The following CTNNA3 variants were observed in gnomAD, a reference collection of about 807,000 sequenced individuals.
CTNNA3 encodes catenin alpha 3.
Under a neutral mutation model 95.7 loss-of-function variants are expected in CTNNA3, and 76 were observed. The observed-to-expected ratio is 0.79, with a 90% CI of 0.66 to 0.96. CTNNA3 has a LOEUF of 0.96. Among genes scored for constraint, CTNNA3 ranks in the 40% least tolerant of loss-of-function variants. CTNNA3 has a pLI of 0.00. For missense variants in CTNNA3, 1,191 were observed against 1,089.8 expected (o/e 1.09, Z -1.31); for synonymous variants, 431 against 374.4 (o/e 1.15, Z -1.74).
intron 2 of CTNNA3, among the ~76,000 whole-genome samples, chr10:67,633,728 G>A (rs546568535): frequency 3.3e-5 from 5 of 152,220 alleles, no homozygotes. Flanking sequence ...CCCATTAAAA[G>A]TGAGCTTGAA....
intron 5 of CTNNA3, among the ~76,000 whole-genome samples, chr10:67,227,587 C>G (rs1479467443): frequency 6.6e-6 from 1 of 152,090 alleles, no homozygotes; most frequent in Non-Finnish European, 1.5e-5. Context: ...GATAGCAACA[C>G]AATAATAGTG....
intron 3 of CTNNA3, among the ~76,000 whole-genome samples, chr10:67,584,954 G>T (rs1842574089): frequency 6.6e-6 from 1 of 152,196 alleles, no homozygotes; most frequent in South Asian, 2.1e-4. Flanking sequence ...GATTTTCCAG[G>T]TACCGTCTGT....
chr10:66,657,533 CTT>C (rs1276075479), intron 9 of CTNNA3, among the ~76,000 whole-genome samples: 1 of 152,116 alleles, frequency 6.6e-6, no homozygotes, highest in African/African-American at 2.4e-5. Flanking sequence ...ATTCCTGACT[CTT>C]TATTTCAGGC....
chr10:67,413,066 C>T (rs1273928425), intron 5 of CTNNA3, among the ~76,000 whole-genome samples: 2 of 152,074 alleles, frequency 1.3e-5, no homozygotes, highest in African/African-American at 2.4e-5. Flanking sequence ...GATAAAAAGA[C>T]AAGACCCAAC....
At chr10:66,056,549 T>C (rs951088800) in intron 15 of CTNNA3, among the ~76,000 whole-genome samples, 1 of 152,206 alleles carries the variant, frequency 6.6e-6, no homozygotes, top group Non-Finnish European at 1.5e-5. Flanking sequence ...CCTCATAGAA[T>C]GAGTTAGGAA....
intron 7 of CTNNA3, among the ~76,000 whole-genome samples, chr10:67,014,010 A>C (rs1357672268): frequency 6.6e-6 from 1 of 152,170 alleles, no homozygotes; most frequent in Non-Finnish European, 1.5e-5. Context: ...ATTTGTCTCT[A>C]AAAACAAGTG....
chr10:67,205,643 G>C (rs764978862), intron 6 of CTNNA3, among the ~76,000 whole-genome samples: 1 of 152,056 alleles, frequency 6.6e-6, no homozygotes, highest in Non-Finnish European at 1.5e-5. Flanking sequence ...TATAGAACAG[G>C]TACTGTGCTA....
intron 10 of CTNNA3, among the ~76,000 whole-genome samples, chr10:66,528,455 G>A (rs1217595157): frequency 1.3e-5 from 2 of 152,080 alleles, no homozygotes; most frequent in Non-Finnish European, 2.9e-5. Context: ...TTTTCTTTGT[G>A]TCCCTCTAGG....
At chr10:67,704,014 C>T (rs1314616795) in intron 1 of CTNNA3, among the ~76,000 whole-genome samples, 2 of 152,108 alleles carry the variant, frequency 1.3e-5, no homozygotes, top group Non-Finnish European at 2.9e-5. Flanking sequence ...CATGAGTGAA[C>T]TCCCATTCAC....
chr10:66,420,839 A>AAATAAATAAAT lies in CTNNA3; in HGVS notation c.1532-41488_1532-41487insATTTATTTATT, dbSNP rs147665115. ...TAAATAAATAAATAAATAAATAAAT[A>AAATAAATAAAT]AAAAACAATATGGAGATTTCTCAAA... On this transcript the variant is annotated intron_variant, in intron 11 of 17. Transcript: ENST00000433211. Among the ~76,000 whole-genome samples the AAATAAATAAAT allele has an allele frequency of 9.8e-3, 757 of 76,908 alleles. 12 individuals are homozygous for AAATAAATAAAT. Among genetic ancestry groups the AAATAAATAAAT allele is most frequent in the South Asian group, 0.071 (135 of 1,898 alleles). 50.5% of individuals were successfully genotyped at this position (76,908 alleles called of 152,430 possible). A position where few individuals can be genotyped will look rare whatever the true frequency, so the allele number is the denominator to read the frequency against.
intron 2 of CTNNA3, among the ~76,000 whole-genome samples, chr10:67,624,490 G>C (rs72472093): frequency 2.0e-5 from 3 of 152,076 alleles, no homozygotes; most frequent in African/African-American, 7.2e-5. Context: ...TTCTGTACCC[G>C]TTGGGTTATG....
At chr10:66,676,386 C>A (rs532174575) in intron 9 of CTNNA3, among the ~76,000 whole-genome samples, 1 of 152,020 alleles carries the variant, frequency 6.6e-6, no homozygotes, top group African/African-American at 2.4e-5. Flanking sequence ...GTTACTGTAC[C>A]TTAATCATTA....
At chr10:67,628,177 C>T (rs1320533463) in intron 2 of CTNNA3, among the ~76,000 whole-genome samples, 1 of 151,078 alleles carries the variant, frequency 6.6e-6, no homozygotes, top group African/African-American at 2.4e-5. Context: ...TTTATTTTCT[C>T]CTTTGAACAA....
chr10:66,199,805 ATTTTTTTTTTT>A (rs1226520776), intron 13 of CTNNA3, among the ~76,000 whole-genome samples: 35 of 14,256 alleles, frequency 2.5e-3, no homozygotes, highest in Admixed American at 8.2e-3. Context: ...ATATATATAT[ATTTTTTTTTTT>A]TTTTTTTTTT....
At chr10:67,547,258 A>G (rs1189677476) in intron 3 of CTNNA3, among the ~76,000 whole-genome samples, 2 of 152,190 alleles carry the variant, frequency 1.3e-5, no homozygotes. Context: ...CACAATTCCT[A>G]GATTTCAATA....
chr10:66,358,688 G>T (rs1042892807), intron 12 of CTNNA3, among the ~76,000 whole-genome samples: 6 of 152,174 alleles, frequency 3.9e-5, no homozygotes, highest in African/African-American at 1.4e-4. Flanking sequence ...AGAACCTAAA[G>T]TATCTTTGCA....
intron 13 of CTNNA3, among the ~76,000 whole-genome samples, chr10:66,146,918 C>A (rs537163190): frequency 5.3e-5 from 8 of 152,200 alleles, no homozygotes; most frequent in African/African-American, 1.4e-4. Flanking sequence ...CAGTAAAGGG[C>A]AGTTTGTTGA....
At chr10:67,455,865 A>G (rs568009387) in intron 5 of CTNNA3, among the ~76,000 whole-genome samples, 1 of 152,304 alleles carries the variant, frequency 6.6e-6, no homozygotes, top group African/African-American at 2.4e-5. Flanking sequence ...AAAAGACATT[A>G]AAGGAAAAAT....
intron 13 of CTNNA3, among the ~76,000 whole-genome samples, chr10:66,178,350 T>C (rs1389707067): frequency 6.8e-6 from 1 of 146,870 alleles, no homozygotes; most frequent in Admixed American, 6.9e-5. Context: ...TACACATATA[T>C]AGGGATATAG....
Sources: allele counts gnomAD v4.1 joint callset (sites outside exome capture counted in the v4.1 genomes callset), GRCh38; gene constraint gnomAD v4.1.1; transcripts MANE v1.5; gene names NCBI Gene and HGNC (gene_info 2026-07-23, HGNC 2026-07-21).